Variants in CAMTA1 observed in about 807,000 individuals in gnomAD.
The protein encoded by CAMTA1 is calmodulin-binding transcription activator 1.
In CAMTA1, 27 loss-of-function variants were observed where a neutral mutation model predicts 170.9. The observed-to-expected ratio is 0.16, with a 90% CI of 0.12 to 0.22. The LOEUF is 0.22. Among genes scored for constraint, CAMTA1 ranks in the 10% least tolerant of loss-of-function variants. The pLI, the probability that CAMTA1 is intolerant of heterozygous loss-of-function variation, is 1.00. For missense variants in CAMTA1, 1,619 were observed against 2,217.2 expected, an observed-to-expected ratio of 0.73 and a Z score of 5.42; for synonymous variants, 833 against 891.5, an observed-to-expected ratio of 0.93 and a Z score of 1.17.
chr1:6,944,956 T>C (rs1417634616), intron 3 of CAMTA1, among the ~76,000 whole-genome samples: 1 of 152,234 alleles, frequency 6.6e-6, no homozygotes, highest in Non-Finnish European at 1.5e-5. Context: ...AATGACATTT[T>C]CAGCTTACAG....
At chr1:6,912,248 G>A (rs17495634) in intron 3 of CAMTA1, among the ~76,000 whole-genome samples, 3,048 of 152,302 alleles carry the variant, frequency 0.02, 40 homozygotes, top group Middle Eastern at 0.058. Flanking sequence ...ATTGGCTTGA[G>A]TAGCTGTAAC....
intron 21 of CAMTA1, 35 bp downstream of exon 21, chr1:7,752,568 G>C (rs765343484): frequency 2.0e-6 from 3 of 1,518,606 alleles, no homozygotes; most frequent in African/African-American, 1.4e-5. Context: ...TCTGCTCAGG[G>C]AGAATGATGA....
chr1:7,750,664 A>T (rs1026619003), intron 19 of CAMTA1, among the ~76,000 whole-genome samples: 1 of 152,200 alleles, frequency 6.6e-6, no homozygotes, highest in Admixed American at 6.5e-5. Context: ...CATCTTTTAC[A>T]GGTTAAAATG....
intron 4 of CAMTA1, among the ~76,000 whole-genome samples, chr1:7,104,379 C>T (rs937754263): frequency 6.6e-6 from 1 of 152,006 alleles, no homozygotes; most frequent in Non-Finnish European, 1.5e-5. Flanking sequence ...TACACACACA[C>T]ACACACACAC....
chr1:7,270,383 C>T (rs1444543082), intron 5 of CAMTA1, among the ~76,000 whole-genome samples: 2 of 147,172 alleles, frequency 1.4e-5, no homozygotes, highest in East Asian at 2.0e-4. Context: ...CAACCTCTGC[C>T]TCCCAGGTTC....
intron 4 of CAMTA1, among the ~76,000 whole-genome samples, chr1:7,188,094 A>T (rs142645461): frequency 2.6e-5 from 4 of 152,180 alleles, no homozygotes; most frequent in Non-Finnish European, 5.9e-5. Context: ...GGGAACTACC[A>T]AACACATAAA....
intron 3 of CAMTA1, among the ~76,000 whole-genome samples, chr1:6,901,522 T>C (rs1243139478): frequency 6.6e-6 from 1 of 152,168 alleles, no homozygotes. Context: ...TTAAAACCTT[T>C]AAAAACTTTA....
chr1:7,121,885 G>T (rs764724860), intron 4 of CAMTA1, among the ~76,000 whole-genome samples: 1 of 152,030 alleles, frequency 6.6e-6, no homozygotes. Context: ...CATCTGGCAG[G>T]GTGAGAGGCT....
intron 3 of CAMTA1, among the ~76,000 whole-genome samples, chr1:6,989,510 A>C (rs1695955993): frequency 6.6e-6 from 1 of 152,110 alleles, no homozygotes; most frequent in South Asian, 2.1e-4. Context: ...GCTGTTTTGC[A>C]TATTTCCAGT....
At chr1:7,142,351 T>C (rs1573406120) in intron 4 of CAMTA1, among the ~76,000 whole-genome samples, 1 of 152,202 alleles carries the variant, frequency 6.6e-6, no homozygotes, top group East Asian at 1.9e-4. Context: ...GTGATGAGAC[T>C]ATTTGAAAGC....
At chr1:7,516,859 G>A (rs2094293674) in intron 6 of CAMTA1, among the ~76,000 whole-genome samples, 2 of 152,268 alleles carry the variant, frequency 1.3e-5, no homozygotes, top group African/African-American at 4.8e-5. Context: ...GACCCTGAGA[G>A]GGCTCTTGTT....
At chr1:7,134,621 T>G (rs1490056295) in intron 4 of CAMTA1, among the ~76,000 whole-genome samples, 1 of 152,214 alleles carries the variant, frequency 6.6e-6, no homozygotes, top group African/African-American at 2.4e-5. Context: ...ATTTTCTTTA[T>G]CTAATCTACC....
At chr1:6,868,710 A>G (rs1197192609) in intron 3 of CAMTA1, among the ~76,000 whole-genome samples, 1 of 152,162 alleles carries the variant, frequency 6.6e-6, no homozygotes, top group African/African-American at 2.4e-5. Context: ...TATCCCTATA[A>G]AATGTTGTCC....
chr1:7,382,169 G>A (rs963975334), intron 5 of CAMTA1, among the ~76,000 whole-genome samples: 19 of 152,336 alleles, frequency 1.2e-4, no homozygotes, highest in African/African-American at 4.3e-4. Context: ...ACAGAGGAGG[G>A]TAGGAAATGT....
rs1193381496 is a variant in CAMTA1, at chr1:7,116,656, T to TC, written c.302+25285_302+25286insC. 2.4e-4 allele frequency among the ~76,000 whole-genome samples: 34 copies of TC among 143,512 alleles called. 1 individual carries two copies. The highest frequency in any genetic ancestry group is 1.5e-5 in the Non-Finnish European group (1 of 66,876). 94.1% of individuals were successfully genotyped at this position (143,512 alleles called of 152,430 possible). A position where few individuals can be genotyped will look rare whatever the true frequency, so the allele number is the denominator to read the frequency against. On this transcript the variant is annotated intron_variant, in intron 4 of 22. Coordinates refer to ENST00000303635, the MANE Select transcript of CAMTA1 (RefSeq NM_015215.4). ...ACTTAGTTTTCTTTTCTTTCTTTCT[T>TC]TTTTTTTTTTTTATGGAGTCTCTCT...
chr1:7,738,805 G>T lies in CAMTA1; in HGVS notation c.4182+323G>T, dbSNP rs2096789443. ...TGCATTTAGGTTGATTGATTTCACT[G>T]TTTTAAGTACTAGTTACTAGTTAGA... On this transcript the variant is annotated intron_variant, in intron 16 of 22. Transcript: ENST00000303635. The surrounding 1 kb of genome is among the most constrained non-coding windows in gnomAD (Gnocchi z 4.9). Among the ~76,000 whole-genome samples, 1 of 152,078 alleles carries T rather than the reference G, an allele frequency of 6.6e-6. No individual in the cohort carries two copies. Among genetic ancestry groups the T allele is most frequent in the South Asian group, 2.1e-4 (1 of 4,820 alleles).
chr1:7,361,827 A>T (rs2085562697), intron 5 of CAMTA1, among the ~76,000 whole-genome samples: 1 of 152,140 alleles, frequency 6.6e-6, no homozygotes, highest in Non-Finnish European at 1.5e-5. Flanking sequence ...TTCAAGCTGG[A>T]TTCCTGTGTG....
Position 7,149,731 on chromosome 1 carries a change from C to G in CAMTA1, c.302+58360C>G, listed in dbSNP as rs983657927. The stretch of plus-strand genomic sequence containing the variant: ...AGTGCTGGGGGATGGGCAGGTCCAG[C>G]CATGTTCCCGGAATAACTCCGGCCT... On this transcript the variant is annotated intron_variant, in intron 4 of 22. Coordinates refer to ENST00000303635, the MANE Select transcript of CAMTA1 (RefSeq NM_015215.4). Among the ~76,000 whole-genome samples, 3 of 152,190 alleles carry G rather than the reference C, an allele frequency of 2.0e-5. No individual in the cohort carries two copies. The South Asian group carries it at 6.2e-4, about 32-fold the overall frequency.
chr1:7,097,817 A>G (rs189809458), intron 4 of CAMTA1, among the ~76,000 whole-genome samples: 110 of 152,218 alleles, frequency 7.2e-4, no homozygotes, highest in African/African-American at 1.8e-3. Context: ...CTGGAGATGG[A>G]AAGTAGATGG....
Sources: gnomAD v4.1 joint callset for allele counts (sites outside exome capture counted in the v4.1 genomes callset) on GRCh38, gnomAD v4.1.1 for gene constraint, Gnocchi (gnomAD v3.1) non-coding constraint, MANE v1.5 for transcripts, NCBI Gene and HGNC (gene_info 2026-07-23, HGNC 2026-07-21) for gene names.